PISD: variants seen among roughly 807,000 people sequenced by gnomAD.
PISD encodes the protein phosphatidylserine decarboxylase proenzyme, mitochondrial.
Under a neutral mutation model 43.5 loss-of-function variants are expected in PISD, and 31 were observed. The observed-to-expected ratio is 0.71, with a 90% CI of 0.54 to 0.96. PISD has a LOEUF of 0.96. Among genes scored for constraint, PISD ranks in the 40% least tolerant of loss-of-function variants. PISD has a pLI of 0.00. For synonymous variants in PISD, 259 were observed against 228.7 expected, an observed-to-expected ratio of 1.13 and a Z score of -1.20; for missense variants, 523 against 548.4, an observed-to-expected ratio of 0.95 and a Z score of 0.46.
chr22:31,651,420 G>C (rs1384458536), intron 1 of PISD, among the ~76,000 whole-genome samples: 1 of 152,178 alleles, frequency 6.6e-6, no homozygotes, highest in African/African-American at 2.4e-5. Flanking sequence ...CTAGGTAAAA[G>C]GTATTTGGGA....
intron 3 of PISD, chr22:31,638,752 GCT>G: frequency 1.4e-5 from 4 of 284,292 alleles, no homozygotes; most frequent in Non-Finnish European, 2.1e-5. Flanking sequence ...CTCTCAGGCA[GCT>G]GGGACCAGAG....
intron 3 of PISD, among the ~76,000 whole-genome samples, chr22:31,628,583 A>G (rs1241416913): frequency 6.6e-6 from 1 of 152,264 alleles, no homozygotes; most frequent in Non-Finnish European, 1.5e-5. Flanking sequence ...ATGAGAACTC[A>G]GAGGGCTTTG....
intron 3 of PISD, among the ~76,000 whole-genome samples, chr22:31,627,091 G>A (rs2072948635): frequency 6.6e-6 from 1 of 152,266 alleles, no homozygotes; most frequent in Admixed American, 6.5e-5. Context: ...GAACCTGCCT[G>A]CAAGAATCAC....
chr22:31,628,198 G>A, intron 3 of PISD: 1 of 985,514 alleles, frequency 1.0e-6, no homozygotes, highest in African/African-American at 1.7e-5. Context: ...AGCACCGTCT[G>A]TCCCTCTCAG....
chr22:31,636,878 A>G (rs374229247), intron 3 of PISD, among the ~76,000 whole-genome samples: 3 of 151,152 alleles, frequency 2.0e-5, no homozygotes, highest in East Asian at 2.0e-4. Flanking sequence ...GGGTTTCACC[A>G]TGTTGGCCAG....
At chr22:31,633,487 A>G (rs1240579210) in intron 3 of PISD, among the ~76,000 whole-genome samples, 2 of 152,192 alleles carry the variant, frequency 1.3e-5, no homozygotes, top group African/African-American at 2.4e-5. Context: ...AGGCCGAGGC[A>G]GGCGGATCAC....
In PISD at chr22:31,630,567, GC is replaced by G. The variant is rs1321935722; in HGVS notation, c.322-8683del. 6.4e-5 allele frequency: 15 copies of G among 234,884 alleles called. No individual in the cohort carries two copies. In the Admixed American group the frequency reaches 9.7e-4, roughly 15 times the overall value. 14.5% of individuals were successfully genotyped at this position (234,884 alleles called of 1,614,324 possible). ...GATGTGGAGGAAGTGAGCTCACGCA[GC>G]CCGGGCCGTGCCCACGTGGGGACGG... On this transcript the variant is annotated intron_variant, in intron 3 of 7. Coordinates refer to ENST00000439502, the MANE Select transcript of PISD (RefSeq NM_001326411.2). The surrounding 1 kb of genome is among the most constrained non-coding windows in gnomAD (Gnocchi z 4.4).
At chr22:31,637,143 TAAAAAA>T (rs1170100945) in intron 3 of PISD, among the ~76,000 whole-genome samples, 388 of 31,378 alleles carry the variant, frequency 0.012, 3 homozygotes, top group East Asian at 0.023. Context: ...ATAAATAAAT[TAAAAAA>T]AAAAAAAAAA....
intron 3 of PISD, chr22:31,628,155 A>G (rs2073010751): frequency 1.0e-6 from 1 of 985,608 alleles, no homozygotes. Flanking sequence ...CAGGGAGGAA[A>G]ATGAATCCAG....
intron 3 of PISD, chr22:31,625,970 T>A: frequency 6.8e-7 from 1 of 1,477,064 alleles, no homozygotes; most frequent in Non-Finnish European, 9.0e-7. Flanking sequence ...CTTCCTGGGT[T>A]TGGTTCAGTC....
rs1203981927 is a variant in PISD at position 31,653,049 on chromosome 22, A to C, written c.66-2271T>G. Among the ~76,000 whole-genome samples, 3 of 151,418 alleles carry C rather than the reference A, an allele frequency of 2.0e-5. No individual in the cohort carries two copies. In the East Asian group the frequency reaches 5.8e-4, roughly 29 times the overall value. On this transcript the variant is annotated intron_variant, in intron 1 of 7. Coordinates refer to ENST00000439502, the MANE Select transcript of PISD (RefSeq NM_001326411.2). ...GTAGGACCCTACCTTAAAAAAAAAA[A>C]AAAAAAAAAACCACACCCACCTTGC... is the stretch of plus-strand genomic sequence containing the variant.
intron 3 of PISD, among the ~76,000 whole-genome samples, chr22:31,626,957 G>A (rs1191469183): frequency 1.3e-5 from 2 of 152,268 alleles, no homozygotes; most frequent in East Asian, 1.9e-4. Flanking sequence ...CTAAAGCAAA[G>A]AATAGGCCAG....
chr22:31,641,559 G>A (rs2073727665), intron 3 of PISD, among the ~76,000 whole-genome samples: 1 of 152,068 alleles, frequency 6.6e-6, no homozygotes, highest in South Asian at 2.1e-4. Flanking sequence ...GCTCACACCT[G>A]TAATCCCAGC....
At chr22:31,658,504 C>A (rs1316131736) in intron 1 of PISD, among the ~76,000 whole-genome samples, 1 of 152,140 alleles carries the variant, frequency 6.6e-6, no homozygotes, top group Non-Finnish European at 1.5e-5. Context: ...CCAGCATTCA[C>A]TCTCACTAGT....
At chr22:31,628,852 CCT>C (rs2073048760) in intron 3 of PISD, 3 of 985,406 alleles carry the variant, frequency 3.0e-6, no homozygotes, top group Middle Eastern at 5.2e-4. Context: ...CAACACCTCA[CCT>C]CTCTTTCCAA....
chr22:31,630,628 G>A lies in PISD; in HGVS notation c.322-8743C>T. The stretch of plus-strand genomic sequence containing the variant: ...CCACGACTCGCTCAACCTTGTCCGC[G>A]GGGCTCCTCAGGCCGGGGCCGCGTC... On this transcript the variant is annotated intron_variant, in intron 3 of 7. Transcript: ENST00000439502. This position sits in a 1 kb window ranked among gnomAD's most constrained non-coding sequence, Gnocchi z 4.4. 3.6e-5 allele frequency: 25 copies of A among 700,740 alleles called. No homozygotes were observed. The highest frequency in any genetic ancestry group is 4.4e-5 in the Non-Finnish European group (25 of 569,648). The allele number at this position is 700,740 out of a possible 1,614,324, so 43.4% of individuals were successfully genotyped here.
At chr22:31,632,125 C>T (rs1190756306) in intron 3 of PISD, 2 of 429,506 alleles carry the variant, frequency 4.7e-6, no homozygotes, top group East Asian at 3.2e-4. Flanking sequence ...GTGGGGGCCA[C>T]GCCTGGAATA....
chr22:31,653,288 C>T (rs2074081864), intron 1 of PISD, among the ~76,000 whole-genome samples: 1 of 152,124 alleles, frequency 6.6e-6, no homozygotes, highest in African/African-American at 2.4e-5. Context: ...AAGCCTAAAA[C>T]CCTGCTTTCT....
rs1378746715 is a variant in PISD at position 31,645,534 on chromosome 22, G to A, written c.321+2567C>T. Among the ~76,000 whole-genome samples the A allele has an allele frequency of 5.4e-5, 8 of 148,706 alleles. 1 individual carries two copies. The highest frequency in any genetic ancestry group is 2.0e-4 in the African/African-American group (8 of 40,600). ...AGCCTGGCCAACATGGTGAAACCCT[G>A]TCTCTTTTTTTTTTTTTAGTTTTAG... On this transcript the variant is annotated intron_variant, in intron 3 of 7. Coordinates refer to ENST00000439502, the MANE Select transcript of PISD (RefSeq NM_001326411.2).
Sources: gnomAD v4.1 joint callset for allele counts (sites outside exome capture counted in the v4.1 genomes callset) on GRCh38, gnomAD v4.1.1 for gene constraint, Gnocchi (gnomAD v3.1) non-coding constraint, MANE v1.5 for transcripts, NCBI Gene and HGNC (gene_info 2026-07-23, HGNC 2026-07-21) for gene names.